The following CCN4 variants were observed in gnomAD, a reference collection of about 807,000 sequenced individuals.
CCN4 encodes CCN family member 4.
CCN4 carries 30 observed loss-of-function variants against 36.7 expected under a neutral mutation model. The ratio of observed to expected loss-of-function variants is 0.82; its 90% CI spans 0.61 to 1.11. The LOEUF is 1.11. Ranked by LOEUF, CCN4 falls within the 50% of genes least tolerant of loss-of-function variation. CCN4 has a pLI of 0.00. For synonymous variants in CCN4, 191 were observed against 195.4 expected (o/e 0.98, Z 0.19); for missense variants, 505 against 504.9 (o/e 1.00, Z 0.00).
intron 1 of CCN4, among the ~76,000 whole-genome samples, chr8:133,196,303 C>T (rs1040084094): frequency 4.6e-5 from 7 of 152,126 alleles, no homozygotes; most frequent in Admixed American, 6.5e-5. Context: ...TGAGATGTTC[C>T]GGAAGCATAA....
At position 133,220,727 on chromosome 8, in the gene CCN4, T is replaced by C; in HGVS notation, c.496T>C (p.Trp166Arg). 6.2e-7 allele frequency: 1 copy of C among 1,613,664 alleles called. No homozygotes were observed. The highest frequency in any genetic ancestry group is 8.5e-7 in the Non-Finnish European group (1 of 1,179,946). Residue 166 changes from tryptophan (W) to arginine (R), a missense_variant, in exon 3 of 5, where the codon TGG (tryptophan) becomes CGG (arginine). By Grantham distance (101) the Trp-to-Arg change is moderately radical (BLOSUM62 -3). Transcript: ENST00000250160. Reference sequence around the variant, plus strand: ...CCTCCGAGTGCGCCCCCCGCGTCTCTGGTGCCCCCACCCGCGGCGCGTGAG... The same window carrying C: ...CCTCCGAGTGCGCCCCCCGCGTCTCCGGTGCCCCCACCCGCGGCGCGTGAG... ...LCLRVRPPRL[W>R]CPHPRRVSIP... is the part of the protein sequence containing the mutation.
Sources: allele counts gnomAD v4.1 joint callset (sites outside exome capture counted in the v4.1 genomes callset), GRCh38; gene constraint gnomAD v4.1.1; transcripts MANE v1.5; gene names NCBI Gene and HGNC (gene_info 2026-07-23, HGNC 2026-07-21).